The following GLP2R variants were observed in gnomAD, a reference collection of about 807,000 sequenced individuals.
GLP2R encodes the protein glucagon-like peptide 2 receptor.
A neutral mutation model predicts 68.2 loss-of-function variants in GLP2R; 59 were observed. That is an observed-to-expected ratio of 0.87 (90% CI 0.70 to 1.07). The LOEUF (loss-of-function observed/expected upper bound fraction) is 1.07, where lower values mean the gene tolerates loss of function less well. Ranked by LOEUF, GLP2R falls within the 50% of genes least tolerant of loss-of-function variation. The pLI is 0.00. For synonymous variants in GLP2R, 270 were observed against 265.4 expected (o/e 1.02, Z -0.17); for missense variants, 548 against 677.4 (o/e 0.81, Z 2.12).
rs546908082 is a variant in GLP2R, at chr17:9,870,728, T to G, written c.1057-19T>G. ...TGGAATTCGTCACTTACTTACCCAA[T>G]TCTGCTCTTTTTTTCAAGGTCAATT... On this transcript the variant is annotated intron_variant, in intron 9 of 12. Transcript: ENST00000262441. 3.3e-6 allele frequency: 4 copies of G among 1,202,254 alleles called. No homozygotes were observed. The Admixed American group carries it at 5.0e-5, about 15-fold the overall frequency. 74.5% of individuals were successfully genotyped at this position (1,202,254 alleles called of 1,614,324 possible). A position where few individuals can be genotyped will look rare whatever the true frequency, so the allele number is the denominator to read the frequency against.
intron 4 of GLP2R, among the ~76,000 whole-genome samples, chr17:9,843,747 G>C (rs7215256): frequency 0.042 from 6,460 of 152,322 alleles, 347 homozygotes; most frequent in African/African-American, 0.12. Flanking sequence ...CAAAGCGGAG[G>C]AACAGGTGTT....
At chr17:9,864,037 C>T (rs2067011043) in intron 9 of GLP2R, among the ~76,000 whole-genome samples, 1 of 152,214 alleles carries the variant, frequency 6.6e-6, no homozygotes, top group African/African-American at 2.4e-5. Context: ...CTAGTGTTTA[C>T]TTGCAGTCTT....
intron 6 of GLP2R, among the ~76,000 whole-genome samples, chr17:9,859,315 C>T (rs2066962705): frequency 6.6e-6 from 1 of 152,080 alleles, no homozygotes; most frequent in South Asian, 2.1e-4. Context: ...GAGTACTCTT[C>T]AGTGTTTCCA....
intron 4 of GLP2R, among the ~76,000 whole-genome samples, chr17:9,852,054 T>A (rs4791891): frequency 6.7e-6 from 1 of 149,178 alleles, no homozygotes; most frequent in Admixed American, 6.6e-5. Flanking sequence ...ATTTGTTTTT[T>A]TTTTTGTTTT....
intron 4 of GLP2R, among the ~76,000 whole-genome samples, chr17:9,847,909 G>A (rs1293500335): frequency 6.6e-6 from 1 of 152,116 alleles, no homozygotes; most frequent in Non-Finnish European, 1.5e-5. Flanking sequence ...CAGTGCTTTG[G>A]GAGGCTGAGG....
At chr17:9,864,397 T>A (rs1169316884) in intron 9 of GLP2R, among the ~76,000 whole-genome samples, 2 of 152,254 alleles carry the variant, frequency 1.3e-5, no homozygotes, top group Admixed American at 6.5e-5. Flanking sequence ...ACTGGTTGTA[T>A]GTTAGAAACA....
chr17:9,871,721 C>CTTTTTTTTTTTTTTTTTTTTTTTT (rs372099240), intron 10 of GLP2R, among the ~76,000 whole-genome samples: 2 of 102,312 alleles, frequency 2.0e-5, no homozygotes, highest in East Asian at 3.0e-4. Context: ...TACTTTCTTT[C>CTTTTTTTTTTTTTTTTTTTTTTTT]TTTTTTTTTT....
intron 1 of GLP2R, among the ~76,000 whole-genome samples, chr17:9,831,073 C>G (rs2066675450): frequency 6.6e-6 from 1 of 152,234 alleles, no homozygotes; most frequent in South Asian, 2.1e-4. Context: ...GATGACCACA[C>G]TAGCTCTTCT....
intron 11 of GLP2R, among the ~76,000 whole-genome samples, chr17:9,884,616 G>A (rs1020167535): frequency 3.9e-5 from 6 of 152,174 alleles, no homozygotes; most frequent in Non-Finnish European, 5.9e-5. Context: ...AAATGTGTCC[G>A]CCCACTGCAT....
intron 7 of GLP2R, 64 bp downstream of exon 7, chr17:9,860,165 G>T: frequency 7.0e-7 from 1 of 1,420,336 alleles, no homozygotes; most frequent in Non-Finnish European, 9.4e-7. Flanking sequence ...GCCTGATAGA[G>T]ACTTTAGTTG....
Position 9,861,040 on chromosome 17 carries a change from TG to T in GLP2R, c.926-98del. On this transcript the variant is annotated intron_variant, in intron 7 of 12. Transcript: ENST00000262441. ...CACAACTCCATGATGTTAGGTTTGA[TG>T]TTGTAACCACCTGTGGTTAGCCTCA... 3.7e-6 allele frequency: 3 copies of T among 810,768 alleles called. No individual in the cohort carries two copies. The South Asian group carries it at 4.2e-5, about 11-fold the overall frequency. The allele number at this position is 810,768 out of a possible 1,614,324, so 50.2% of individuals were successfully genotyped here.
chr17:9,861,037 T>G (rs1182209206), intron 7 of GLP2R, 102 bp from the exon 8 acceptor site: 1 of 802,312 alleles, frequency 1.2e-6, no homozygotes, highest in African/African-American at 1.7e-5. Context: ...ATGTTAGGTT[T>G]GATGTTGTAA....
At chr17:9,872,377 G>C (rs955805347) in intron 10 of GLP2R, among the ~76,000 whole-genome samples, 1 of 152,180 alleles carries the variant, frequency 6.6e-6, no homozygotes, top group Non-Finnish European at 1.5e-5. Context: ...AGGAGTTCAA[G>C]ACTAGCCTGG....
At chr17:9,847,080 G>A (rs912598737) in intron 4 of GLP2R, among the ~76,000 whole-genome samples, 3 of 152,232 alleles carry the variant, frequency 2.0e-5, no homozygotes, top group African/African-American at 7.2e-5. Context: ...AGCTACCAGT[G>A]TGACCGCAGA....
intron 10 of GLP2R, among the ~76,000 whole-genome samples, chr17:9,876,710 C>A (rs1031149043): frequency 1.3e-5 from 2 of 152,180 alleles, no homozygotes; most frequent in Admixed American, 6.5e-5. Flanking sequence ...ATTCTTTCAG[C>A]TTAAAATACT....
intron 11 of GLP2R, among the ~76,000 whole-genome samples, chr17:9,883,288 TCAATGA>T (rs1231563077): frequency 6.6e-6 from 1 of 151,916 alleles, no homozygotes; most frequent in African/African-American, 2.4e-5. Context: ...TGAAGATAGG[TCAATGA>T]GATTACCCAG....
In GLP2R at chr17:9,873,556, C is replaced by CTTTTTTTTTTTTTTTTTTTTTTTTTTTT. The variant is rs3073988; in HGVS notation, c.1145+2744_1145+2745insTTTTTTTTTTTTTTTTTTTTTTTTTTTT. On this transcript the variant is annotated intron_variant, in intron 10 of 12. Coordinates refer to ENST00000262441, the MANE Select transcript of GLP2R (RefSeq NM_004246.3). Reference sequence around the variant, plus strand: ...GGATATCACAAAAACTATGCATGGACTTTTTTTTTTTTTTTTTTTTTTTAG... The same window carrying CTTTTTTTTTTTTTTTTTTTTTTTTTTTT: ...GGATATCACAAAAACTATGCATGGACTTTTTTTTTTTTTTTTTTTTTTTTTTTTTTTTTTTTTTTTTTTTTTTTTTTAG... Among the ~76,000 whole-genome samples, 20 of 52,058 alleles carry CTTTTTTTTTTTTTTTTTTTTTTTTTTTT rather than the reference C, an allele frequency of 3.8e-4. 3 individuals are homozygous for CTTTTTTTTTTTTTTTTTTTTTTTTTTTT. Among genetic ancestry groups the CTTTTTTTTTTTTTTTTTTTTTTTTTTTT allele is most frequent in the Non-Finnish European group, 6.5e-4 (19 of 29,446 alleles). The allele number at this position is 52,058 out of a possible 152,430, so 34.2% of individuals were successfully genotyped here.
intron 2 of GLP2R, among the ~76,000 whole-genome samples, chr17:9,834,168 C>T (rs187277301): frequency 6.6e-6 from 1 of 152,294 alleles, no homozygotes; most frequent in East Asian, 1.9e-4. Flanking sequence ...CCTTTTATGA[C>T]TTGGCCTTGG....
chr17:9,845,900 T>G (rs2066833843), intron 4 of GLP2R, among the ~76,000 whole-genome samples: 2 of 152,192 alleles, frequency 1.3e-5, no homozygotes, highest in Non-Finnish European at 2.9e-5. Context: ...TTCGTAGAGG[T>G]CTCTGATTAA....
Sources: allele counts gnomAD v4.1 joint callset (sites outside exome capture counted in the v4.1 genomes callset), GRCh38; gene constraint gnomAD v4.1.1; transcripts MANE v1.5; gene names NCBI Gene and HGNC (gene_info 2026-07-23, HGNC 2026-07-21).